Variants in CLPB observed in about 807,000 individuals in gnomAD.
CLPB encodes the protein ClpB family mitochondrial disaggregase, also known as mitochondrial disaggregase.
CLPB carries 40 observed loss-of-function variants against 78.4 expected under a neutral mutation model. The ratio of observed to expected loss-of-function variants is 0.51; its 90% CI spans 0.40 to 0.66. The LOEUF (loss-of-function observed/expected upper bound fraction) is 0.66, where lower values mean the gene tolerates loss of function less well. CLPB is among the 30% of genes least tolerant of loss of function. CLPB has a pLI of 0.00. For missense variants in CLPB, 780 were observed against 886.9 expected (o/e 0.88, Z 1.53); for synonymous variants, 333 against 348.0 (o/e 0.96, Z 0.48).
chr11:72,302,886 AT>A (rs1271393622), intron 9 of CLPB: 3 of 153,278 alleles, frequency 2.0e-5, no homozygotes, highest in African/African-American at 7.2e-5. Context: ...TGTCCCTTTG[AT>A]TTACTTTTCT....
In CLPB at chr11:72,381,470, T is replaced by C. The variant is rs368153688; in HGVS notation, c.543-1086A>G. Reference sequence around the variant, plus strand: ...AGTGCCAGGCCAGCCCCAGCAGTCATGGACTCTGGGCCCACCTTAACATGA... The same window carrying C: ...AGTGCCAGGCCAGCCCCAGCAGTCACGGACTCTGGGCCCACCTTAACATGA... On this transcript the variant is annotated intron_variant, in intron 3 of 15. Transcript: ENST00000538039. Among the ~76,000 whole-genome samples, 34 of 152,194 alleles carry C rather than the reference T, an allele frequency of 2.2e-4. 1 individual carries two copies. In the East Asian group the frequency reaches 3.5e-3, roughly 16 times the overall value.
Position 72,434,456 on chromosome 11 carries a change from A to G in CLPB, c.19T>C (p.Leu7=), listed in dbSNP as rs1287536622. 6.4e-7 allele frequency: 1 copy of G among 1,553,998 alleles called. No homozygotes were observed. The highest frequency in any genetic ancestry group is 8.7e-7 in the Non-Finnish European group (1 of 1,146,826). ...CGTGGCGCCAGTGCTTTTCTCCTCAACACCAGGGACCCCAGCATCTTGACA... is the reference window on the plus strand; with the variant it reads ...CGTGGCGCCAGTGCTTTTCTCCTCAGCACCAGGGACCCCAGCATCTTGACA... MLGSLV[L]RRKALAPRLL... The change falls in exon 1 of 16, where the codon TTG becomes CTG. Residue 7 remains leucine, a synonymous_variant. Coordinates refer to ENST00000538039, the MANE Select transcript of CLPB (RefSeq NM_001258392.3).
At chr11:72,333,959 G>A (rs1950274555) in intron 5 of CLPB, among the ~76,000 whole-genome samples, 1 of 152,126 alleles carries the variant, frequency 6.6e-6, no homozygotes, top group South Asian at 2.1e-4. Context: ...GAGCTGCAGT[G>A]GAAGGGAGGG....
At position 72,434,323 on chromosome 11, in the gene CLPB, G is replaced by A. The variant is rs758704489; in HGVS notation, c.152C>T (p.Ala51Val). ...CGATGTTCCAGGGCGCCCCCCGGTG[G>A]CTACCCTCAGCCACTGCGGCTCCCC... ...SLGEPQWLRVATGGRPGTSPA... is the reference protein window; with the variant it reads ...SLGEPQWLRVVTGGRPGTSPA... Residue 51 changes from alanine to valine, a missense_variant, in exon 1 of 16, where the codon GCC becomes GTC. Physicochemically the swap from Ala to Val is moderately conservative, Grantham distance 64 (BLOSUM62 0). Coordinates refer to ENST00000538039, the MANE Select transcript of CLPB (RefSeq NM_001258392.3). 6.2e-7 allele frequency: 1 copy of A among 1,612,182 alleles called. No homozygotes were observed. The highest frequency in any genetic ancestry group is 1.1e-5 in the South Asian group (1 of 91,034).
intron 5 of CLPB, among the ~76,000 whole-genome samples, chr11:72,332,204 C>T (rs1950239930): frequency 6.6e-6 from 1 of 151,840 alleles, no homozygotes; most frequent in East Asian, 1.9e-4. Context: ...AATTCAAGGC[C>T]GGGCACAGTG....
In CLPB at chr11:72,293,263, G is replaced by C. The variant is rs1949481774; in HGVS notation, c.*104C>G. 2.8e-6 allele frequency: 4 copies of C among 1,417,474 alleles called. No individual in the cohort carries two copies. Among genetic ancestry groups the C allele is most frequent in the Non-Finnish European group, 3.9e-6 (4 of 1,030,832 alleles). The allele number at this position is 1,417,474 out of a possible 1,614,324, so 87.8% of individuals were successfully genotyped here. The stretch of plus-strand genomic sequence containing the variant: ...GAGGAGGTAAGCAGGCCTGAGACTG[G>C]GTAGAGATGGGAGCGGCATGAGGGG... On this transcript the variant is annotated 3_prime_UTR_variant, in exon 16 of 16. Coordinates refer to ENST00000538039, the MANE Select transcript of CLPB (RefSeq NM_001258392.3).
chr11:72,351,189 G>C (rs1158591013), intron 5 of CLPB, among the ~76,000 whole-genome samples: 2 of 152,240 alleles, frequency 1.3e-5, no homozygotes, highest in East Asian at 3.8e-4. Flanking sequence ...TGTTAGAGAA[G>C]GGTGAGATGT....
At chr11:72,388,847 A>G (rs1855163897) in intron 3 of CLPB, among the ~76,000 whole-genome samples, 1 of 152,210 alleles carries the variant, frequency 6.6e-6, no homozygotes, top group South Asian at 2.1e-4. Flanking sequence ...AGCATATAGC[A>G]TATAGCAGGG....
rs1949393906 is a variant in CLPB at position 72,286,656 on chromosome 11, A to G, written c.*6711T>C. On this transcript the variant is annotated 3_prime_UTR_variant, in exon 16 of 16. Transcript: ENST00000538039. ...ATGTCCGGCTAATTTTTGTACTTTAATAAAGAGGGGTTTCACCATGTTGTC... is the reference window on the plus strand; with the variant it reads ...ATGTCCGGCTAATTTTTGTACTTTAGTAAAGAGGGGTTTCACCATGTTGTC... 1 of 151,996 alleles carries G rather than the reference A, an allele frequency of 6.6e-6. No individual in the cohort carries two copies. The highest frequency in any genetic ancestry group is 1.5e-5 in the Non-Finnish European group (1 of 67,976). 9.4% of individuals were successfully genotyped at this position (151,996 alleles called of 1,614,324 possible).
chr11:72,365,977 C>T lies in CLPB; in HGVS notation c.647-6969G>A, dbSNP rs558312741. On this transcript the variant is annotated intron_variant, in intron 4 of 15. Transcript: ENST00000538039. ...ATCCTAGAAGAAAACCTAGGAAATA[C>T]CCTTCAGGACATCAGCCTTGGCAAA... 8.5e-5 allele frequency among the ~76,000 whole-genome samples: 13 copies of T among 152,256 alleles called. No homozygotes were observed. In the South Asian group the frequency reaches 2.7e-3, roughly 32 times the overall value.
chr11:72,359,882 T>C (rs1950801349), intron 4 of CLPB, among the ~76,000 whole-genome samples: 1 of 152,226 alleles, frequency 6.6e-6, no homozygotes, highest in South Asian at 2.1e-4. Flanking sequence ...TGTGATTTTC[T>C]CACTCTGATT....
intron 5 of CLPB, among the ~76,000 whole-genome samples, chr11:72,339,757 G>T (rs1204053044): frequency 6.6e-6 from 1 of 152,182 alleles, no homozygotes. Flanking sequence ...GTTTATTTCA[G>T]TAGTATCTTG....
At chr11:72,300,735 C>T (rs950871172) in intron 11 of CLPB, among the ~76,000 whole-genome samples, 2 of 152,136 alleles carry the variant, frequency 1.3e-5, no homozygotes, top group African/African-American at 4.8e-5. Flanking sequence ...TTTCCTAGGG[C>T]TGCAGGAGAC....
At chr11:72,399,986 T>G (rs185779769) in intron 3 of CLPB, among the ~76,000 whole-genome samples, 1 of 152,226 alleles carries the variant, frequency 6.6e-6, no homozygotes, top group South Asian at 2.1e-4. Flanking sequence ...CCCTGACCAA[T>G]GTACTCCTGG....
chr11:72,342,876 G>T (rs1332982363), intron 5 of CLPB, among the ~76,000 whole-genome samples: 1 of 152,194 alleles, frequency 6.6e-6, no homozygotes, highest in African/African-American at 2.4e-5. Context: ...TCCTACGTCT[G>T]CTTCCATCTA....
intron 7 of CLPB, among the ~76,000 whole-genome samples, chr11:72,314,293 C>T (rs1407765268): frequency 6.6e-6 from 1 of 152,116 alleles, no homozygotes; most frequent in Non-Finnish European, 1.5e-5. Context: ...GAAGGAGCTC[C>T]GAGAAAGCTG....
chr11:72,432,568 G>A (rs1856577625), intron 1 of CLPB, among the ~76,000 whole-genome samples: 1 of 152,138 alleles, frequency 6.6e-6, no homozygotes, highest in Non-Finnish European at 1.5e-5. Flanking sequence ...CTGATTTTGT[G>A]TTAAGTTAGG....
At chr11:72,394,950 C>T (rs971263708) in intron 3 of CLPB, among the ~76,000 whole-genome samples, 1 of 152,130 alleles carries the variant, frequency 6.6e-6, no homozygotes. Flanking sequence ...TCTTGGGTTC[C>T]CTGCCGGTTG....
intron 4 of CLPB, among the ~76,000 whole-genome samples, chr11:72,371,913 C>T (rs1456165973): frequency 6.6e-6 from 1 of 152,136 alleles, no homozygotes; most frequent in African/African-American, 2.4e-5. Flanking sequence ...CTGACTGGAC[C>T]CTTTGTCAAA....
Sources: gnomAD v4.1 joint callset for allele counts (sites outside exome capture counted in the v4.1 genomes callset) on GRCh38, gnomAD v4.1.1 for gene constraint, MANE v1.5 for transcripts, NCBI Gene and HGNC (gene_info 2026-07-23, HGNC 2026-07-21) for gene names.